TAF3: variants seen among roughly 807,000 people sequenced by gnomAD.
TAF3 encodes transcription initiation factor TFIID subunit 3.
A neutral mutation model predicts 80.6 loss-of-function variants in TAF3; 7 were observed. The observed-to-expected ratio is 0.09, with a 90% CI of 0.05 to 0.16. The LOEUF is 0.16. TAF3 is among the 10% of genes least tolerant of loss of function. The pLI is 1.00. For missense variants in TAF3, 921 were observed against 1,140.2 expected, an observed-to-expected ratio of 0.81 and a Z score of 2.77; for synonymous variants, 444 against 446.1, an observed-to-expected ratio of 1.00 and a Z score of 0.06.
At chr10:7,875,461 G>A (rs999020852) in intron 2 of TAF3, among the ~76,000 whole-genome samples, 5 of 152,098 alleles carry the variant, frequency 3.3e-5, no homozygotes, top group Admixed American at 2.6e-4. Flanking sequence ...TAGATTGATT[G>A]TGTTATAAGA....
Position 8,014,920 on chromosome 10 carries a change from C to T in TAF3, c.*169C>T, listed in dbSNP as rs1832090429. The T allele has an allele frequency of 1.1e-5, 6 of 563,686 alleles. No individual in the cohort carries two copies. Among genetic ancestry groups the T allele is most frequent in the South Asian group, 6.6e-5 (3 of 45,378 alleles). 34.9% of individuals were successfully genotyped at this position (563,686 alleles called of 1,614,324 possible). A position where few individuals can be genotyped will look rare whatever the true frequency, so the allele number is the denominator to read the frequency against. On this transcript the variant is annotated 3_prime_UTR_variant, in exon 7 of 7. Transcript: ENST00000344293. Reference sequence around the variant, plus strand: ...ACCGCGCACCTGGATTGTTCACTCCCGAGCCGCCTTGGCCTGTGGCTCCGT... The same window carrying T: ...ACCGCGCACCTGGATTGTTCACTCCTGAGCCGCCTTGGCCTGTGGCTCCGT...
chr10:7,819,976 G>A (rs1836674327), intron 1 of TAF3, among the ~76,000 whole-genome samples: 1 of 152,142 alleles, frequency 6.6e-6, no homozygotes, highest in Non-Finnish European at 1.5e-5. Context: ...GTTGGTTACA[G>A]GCTAAAAATC....
intron 1 of TAF3, among the ~76,000 whole-genome samples, chr10:7,819,998 CA>C (rs1436955645): frequency 6.6e-6 from 1 of 152,178 alleles, no homozygotes; most frequent in African/African-American, 2.4e-5. Flanking sequence ...AAACTCTTAG[CA>C]GTACACAGTT....
At chr10:7,841,489 TA>T (rs775841075) in intron 2 of TAF3, among the ~76,000 whole-genome samples, 22 of 152,238 alleles carry the variant, frequency 1.4e-4, no homozygotes, top group Non-Finnish European at 2.8e-4. Flanking sequence ...CAGAGGTCTC[TA>T]ACCTAGTGTG....
At chr10:8,005,081 G>A (rs1831979180) in intron 4 of TAF3, among the ~76,000 whole-genome samples, 1 of 151,960 alleles carries the variant, frequency 6.6e-6, no homozygotes, top group South Asian at 2.1e-4. Context: ...AGGTCTGTTT[G>A]GTTCTTTTCA....
At chr10:7,986,486 G>C (rs1449387930) in intron 4 of TAF3, among the ~76,000 whole-genome samples, 3 of 152,194 alleles carry the variant, frequency 2.0e-5, no homozygotes, top group Non-Finnish European at 4.4e-5. Flanking sequence ...CTATCTAATA[G>C]AATTGGGAGA....
chr10:7,979,351 G>GA (rs1383420654), intron 4 of TAF3, among the ~76,000 whole-genome samples: 2,318 of 80,278 alleles, frequency 0.029, 32 homozygotes, highest in South Asian at 0.098. Flanking sequence ...CTCAAAAAAT[G>GA]AAAAAAAAAT....
intron 4 of TAF3, among the ~76,000 whole-genome samples, chr10:7,982,197 T>C (rs966920553): frequency 6.6e-6 from 1 of 152,074 alleles, no homozygotes; most frequent in African/African-American, 2.4e-5. Flanking sequence ...TTTTTATTCA[T>C]ATATAACTTT....
chr10:7,872,407 A>G (rs745616341), intron 2 of TAF3, among the ~76,000 whole-genome samples: 17 of 152,156 alleles, frequency 1.1e-4, no homozygotes, highest in Non-Finnish European at 2.4e-4. Flanking sequence ...GTTCGTGTAT[A>G]GCCAATGCCA....
At chr10:7,989,370 C>A (rs193151252) in intron 4 of TAF3, among the ~76,000 whole-genome samples, 3 of 152,104 alleles carry the variant, frequency 2.0e-5, no homozygotes, top group African/African-American at 7.2e-5. Context: ...CAGCAGATGC[C>A]CTGAGCCTAG....
chr10:7,927,008 C>G (rs1266252673), intron 2 of TAF3, among the ~76,000 whole-genome samples: 14 of 152,042 alleles, frequency 9.2e-5, no homozygotes. Context: ...AAATACTACA[C>G]ATGGGGTGGG....
chr10:7,969,871 C>G (rs532322463), intron 3 of TAF3, among the ~76,000 whole-genome samples: 1 of 152,204 alleles, frequency 6.6e-6, no homozygotes, highest in East Asian at 1.9e-4. Context: ...ATTCACCAAC[C>G]TCCCATCCTC....
At chr10:7,885,982 G>A (rs1408208002) in intron 2 of TAF3, among the ~76,000 whole-genome samples, 1 of 152,118 alleles carries the variant, frequency 6.6e-6, no homozygotes, top group Non-Finnish European at 1.5e-5. Flanking sequence ...AGGCTGGTGT[G>A]TAGTGGCGCG....
chr10:7,914,687 T>A (rs1837691517), intron 2 of TAF3, among the ~76,000 whole-genome samples: 1 of 152,226 alleles, frequency 6.6e-6, no homozygotes, highest in Admixed American at 6.5e-5. Context: ...AGTTTCTTCG[T>A]ATACCTTTTT....
Position 7,859,893 on chromosome 10 carries a change from G to T in TAF3, c.409+35333G>T, listed in dbSNP as rs143349650. Among the ~76,000 whole-genome samples, 766 of 152,220 alleles carry T rather than the reference G, an allele frequency of 5.0e-3. 9 individuals carry two copies. Among genetic ancestry groups the T allele is most frequent in the African/African-American group, 0.017 (718 of 41,528 alleles). ...CTTATTATTTCATAATGATTATTAC[G>T]CATCCTTGGTTCATGCCTCTCAATC... On this transcript the variant is annotated intron_variant, in intron 2 of 6. Transcript: ENST00000344293.
In TAF3 at chr10:7,888,083, C is replaced by G. The variant is rs554885174; in HGVS notation, c.409+63523C>G. Among the ~76,000 whole-genome samples the G allele has an allele frequency of 2.6e-5, 4 of 152,294 alleles. No individual in the cohort carries two copies. In the East Asian group the frequency reaches 7.7e-4, roughly 29 times the overall value. ...GCCAGCCGTCAACTCTCATCCCCAG[C>G]TCTTTCTCTCCACTGGCTCATTCTT... On this transcript the variant is annotated intron_variant, in intron 2 of 6. Coordinates refer to ENST00000344293, the MANE Select transcript of TAF3 (RefSeq NM_031923.4).
chr10:7,842,157 T>TTTTTTG (rs1836922561), intron 2 of TAF3, among the ~76,000 whole-genome samples: 11 of 122,952 alleles, frequency 8.9e-5, no homozygotes, highest in Admixed American at 1.8e-4. Flanking sequence ...TATTGTTTTT[T>TTTTTTG]TTTTTTGTTT....
Position 8,009,512 on chromosome 10 carries a change from C to T in TAF3, c.2568+182C>T, listed in dbSNP as rs1441341405. 1.3e-5 allele frequency among the ~76,000 whole-genome samples: 2 copies of T among 152,196 alleles called. No homozygotes were observed. Among genetic ancestry groups the T allele is most frequent in the African/African-American group, 2.4e-5 (1 of 41,458 alleles). On this transcript the variant is annotated intron_variant, in intron 5 of 6. Coordinates refer to ENST00000344293, the MANE Select transcript of TAF3 (RefSeq NM_031923.4). The surrounding 1 kb of genome is among the most constrained non-coding windows in gnomAD (Gnocchi z 4.1). Reference sequence around the variant, plus strand: ...CTGGAGTACAGTGGCCCAATCATAGCTCACTGCAACCTCAAACTCCTGGGC... The same window carrying T: ...CTGGAGTACAGTGGCCCAATCATAGTTCACTGCAACCTCAAACTCCTGGGC...
chr10:7,873,623 C>CCCA lies in TAF3; in HGVS notation c.409+49065_409+49066insACC, dbSNP rs1554779075. Among the ~76,000 whole-genome samples the CCCA allele has an allele frequency of 2.1e-4, 20 of 96,460 alleles. 3 individuals are homozygous for CCCA. The highest frequency in any genetic ancestry group is 5.8e-4 in the African/African-American group (16 of 27,444). 63.3% of individuals were successfully genotyped at this position (96,460 alleles called of 152,430 possible). A position where few individuals can be genotyped will look rare whatever the true frequency, so the allele number is the denominator to read the frequency against. On this transcript the variant is annotated intron_variant, in intron 2 of 6. Coordinates refer to ENST00000344293, the MANE Select transcript of TAF3 (RefSeq NM_031923.4). ...AGGGAAGACATCCGAGTTCTCCCCC[C>CCCA]CCCCCCGTCAAAAGGGGGTGTCGAA...
Sources: gnomAD v4.1 joint callset for allele counts (sites outside exome capture counted in the v4.1 genomes callset) on GRCh38, gnomAD v4.1.1 for gene constraint, Gnocchi (gnomAD v3.1) non-coding constraint, MANE v1.5 for transcripts, NCBI Gene and HGNC (gene_info 2026-07-23, HGNC 2026-07-21) for gene names.